The following PIK3AP1 variants were observed in gnomAD, a reference collection of about 807,000 sequenced individuals.
PIK3AP1 encodes the protein phosphoinositide 3-kinase adapter protein 1.
Under a neutral mutation model 88.1 loss-of-function variants are expected in PIK3AP1, and 21 were observed. That is an observed-to-expected ratio of 0.24 (90% CI 0.17 to 0.34). The LOEUF (loss-of-function observed/expected upper bound fraction) is 0.34. PIK3AP1 is among the 10% of genes least tolerant of loss of function. PIK3AP1 has a pLI of 1.00. For missense variants in PIK3AP1, 828 were observed against 1,035.7 expected (o/e 0.80, Z 2.75); for synonymous variants, 398 against 400.0 (o/e 1.00, Z 0.06).
chr10:96,628,947 G>C (rs1441755950), intron 8 of PIK3AP1, among the ~76,000 whole-genome samples: 1 of 127,744 alleles, frequency 7.8e-6, no homozygotes, highest in Non-Finnish European at 1.6e-5. Flanking sequence ...TCTCAGGCTG[G>C]AGTGCAGTGG....
At chr10:96,648,520 C>G (rs1843491404) in intron 7 of PIK3AP1, 139 bp downstream of exon 7, 1 of 902,948 alleles carries the variant, frequency 1.1e-6, no homozygotes, top group Non-Finnish European at 1.6e-6. Flanking sequence ...ATTTCTTAAG[C>G]CCACACATAC....
chr10:96,593,470 G>A lies in PIK3AP1; in HGVS notation c.*2107C>T, dbSNP rs775878425. 6.6e-6 allele frequency: 1 copy of A among 152,218 alleles called. No homozygotes were observed. The highest frequency in any genetic ancestry group is 1.5e-5 in the Non-Finnish European group (1 of 68,044). The allele number at this position is 152,218 out of a possible 1,614,324, so 9.4% of individuals were successfully genotyped here. On this transcript the variant is annotated 3_prime_UTR_variant, in exon 17 of 17. Coordinates refer to ENST00000339364, the MANE Select transcript of PIK3AP1 (RefSeq NM_152309.3). ...TTACCATGTTACGATCTAAATGCTT[G>A]TTCATCAGAGAATGTACAAAATTCT... is the stretch of plus-strand genomic sequence containing the variant.
chr10:96,714,766 T>A (rs1490044366), intron 1 of PIK3AP1, among the ~76,000 whole-genome samples: 2 of 152,160 alleles, frequency 1.3e-5, no homozygotes, highest in Non-Finnish European at 2.9e-5. Context: ...GCTGGAACCA[T>A]TTGAGCAACA....
chr10:96,711,942 G>A (rs1844444627), intron 1 of PIK3AP1, among the ~76,000 whole-genome samples: 1 of 151,002 alleles, frequency 6.6e-6, no homozygotes, highest in Non-Finnish European at 1.5e-5. Flanking sequence ...TTTTAGTAGA[G>A]ACGGGGTTTC....
intron 8 of PIK3AP1, among the ~76,000 whole-genome samples, chr10:96,628,897 T>TACACAC (rs1564961287): frequency 7.8e-5 from 2 of 25,714 alleles, no homozygotes; most frequent in Non-Finnish European, 2.0e-4. Context: ...TACATATATA[T>TACACAC]ATATATATAT....
chr10:96,641,499 C>A (rs1418648294), intron 8 of PIK3AP1, among the ~76,000 whole-genome samples: 1 of 152,154 alleles, frequency 6.6e-6, no homozygotes, highest in Non-Finnish European at 1.5e-5. Context: ...TTATTTTCAG[C>A]CTCCAGGGTT....
At chr10:96,663,891 G>T (rs1196963726) in intron 2 of PIK3AP1, among the ~76,000 whole-genome samples, 1 of 152,064 alleles carries the variant, frequency 6.6e-6, no homozygotes, top group African/African-American at 2.4e-5. Flanking sequence ...TGCTATTTTA[G>T]CTTTTCAAAT....
At chr10:96,698,121 G>A (rs1844246295) in intron 2 of PIK3AP1, among the ~76,000 whole-genome samples, 1 of 152,190 alleles carries the variant, frequency 6.6e-6, no homozygotes, top group South Asian at 2.1e-4. Flanking sequence ...GAGCACCCTG[G>A]TTTGATTCTG....
chr10:96,686,244 T>C (rs1205409414), intron 2 of PIK3AP1, among the ~76,000 whole-genome samples: 1 of 152,162 alleles, frequency 6.6e-6, no homozygotes, highest in East Asian at 1.9e-4. Context: ...AACTAAAATA[T>C]CTGTGCTCCA....
chr10:96,632,931 A>G, intron 8 of PIK3AP1: 1 of 1,612,776 alleles, frequency 6.2e-7, no homozygotes, highest in Non-Finnish European at 8.5e-7. Context: ...ACTCACAAAG[A>G]TAAAGGACAC....
chr10:96,646,051 G>C (rs928616672), intron 7 of PIK3AP1, among the ~76,000 whole-genome samples: 6 of 152,154 alleles, frequency 3.9e-5, no homozygotes, highest in Non-Finnish European at 5.9e-5. Context: ...CCTGAGGTCA[G>C]GAGTTCGAGA....
chr10:96,604,121 CTTA>C, intron 14 of PIK3AP1, 72 bp from the exon 15 acceptor site: 1 of 1,266,416 alleles, frequency 7.9e-7, no homozygotes, highest in Non-Finnish European at 1.1e-6. Flanking sequence ...AACTCTAGAA[CTTA>C]TTTAGTTTTA....
chr10:96,613,259 A>C (rs1165154591), intron 13 of PIK3AP1, among the ~76,000 whole-genome samples: 1 of 151,976 alleles, frequency 6.6e-6, no homozygotes, highest in Non-Finnish European at 1.5e-5. Context: ...TCAGCCTCCC[A>C]AAGTGCCGGG....
chr10:96,710,033 G>A, intron 1 of PIK3AP1, 50 bp from the exon 2 acceptor site: 1 of 1,518,744 alleles, frequency 6.6e-7, no homozygotes, highest in Non-Finnish European at 8.9e-7. Context: ...CCCCTTCTAG[G>A]TGGCTCCCCA....
chr10:96,719,426 G>C (rs1844543391), intron 1 of PIK3AP1, among the ~76,000 whole-genome samples: 2 of 152,074 alleles, frequency 1.3e-5, no homozygotes, highest in Admixed American at 1.3e-4. Flanking sequence ...TCATAAAGTG[G>C]GCTGGGAAAA....
intron 6 of PIK3AP1, among the ~76,000 whole-genome samples, chr10:96,650,052 T>G (rs1053586698): frequency 1.3e-5 from 2 of 152,242 alleles, no homozygotes; most frequent in African/African-American, 4.8e-5. Context: ...AAATATGACC[T>G]TGGAATGAAG....
At chr10:96,675,092 C>G (rs1365827776) in intron 2 of PIK3AP1, among the ~76,000 whole-genome samples, 1 of 152,066 alleles carries the variant, frequency 6.6e-6, no homozygotes, top group Non-Finnish European at 1.5e-5. Flanking sequence ...GGGTTTTCAC[C>G]ATGTTGACCA....
chr10:96,663,356 G>A (rs367801024), intron 2 of PIK3AP1, among the ~76,000 whole-genome samples: 76 of 152,126 alleles, frequency 5.0e-4, no homozygotes, highest in African/African-American at 1.4e-3. Flanking sequence ...CAGGCTGGGC[G>A]CGGTGGCTCA....
At chr10:96,604,634 A>C (rs1276806054) in intron 14 of PIK3AP1, among the ~76,000 whole-genome samples, 3 of 152,122 alleles carry the variant, frequency 2.0e-5, no homozygotes, top group Admixed American at 6.5e-5. Context: ...CCCCTATGAA[A>C]ATCCTGTTTG....
Sources: gnomAD v4.1 joint callset for allele counts (sites outside exome capture counted in the v4.1 genomes callset) on GRCh38, gnomAD v4.1.1 for gene constraint, MANE v1.5 for transcripts, NCBI Gene and HGNC (gene_info 2026-07-23, HGNC 2026-07-21) for gene names.